CTNNA3: variants seen among roughly 807,000 people sequenced by gnomAD.
The protein encoded by CTNNA3 is catenin alpha-3.
Under a neutral mutation model 95.7 loss-of-function variants are expected in CTNNA3, and 76 were observed. That is an observed-to-expected ratio of 0.79 (90% confidence interval 0.66 to 0.96). The LOEUF is 0.96. Among genes scored for constraint, CTNNA3 ranks in the 40% least tolerant of loss-of-function variants. The pLI is 0.00. For synonymous variants in CTNNA3, 431 were observed against 374.4 expected, an observed-to-expected ratio of 1.15 and a Z score of -1.74; for missense variants, 1,191 against 1,089.8, an observed-to-expected ratio of 1.09 and a Z score of -1.31.
intron 12 of CTNNA3, among the ~76,000 whole-genome samples, chr10:66,294,905 AGAGAGAGAG>A (rs2091751050): frequency 1.3e-5 from 2 of 148,908 alleles, no homozygotes; most frequent in Non-Finnish European, 3.0e-5. Flanking sequence ...AGAGAGAGAG[AGAGAGAGAG>A]GGATTTGGTA....
chr10:66,631,965 T>C (rs1159835343), intron 9 of CTNNA3, among the ~76,000 whole-genome samples: 1 of 59,870 alleles, frequency 1.7e-5, no homozygotes, highest in Non-Finnish European at 3.6e-5. Context: ...AAATTTGTTA[T>C]TATAGCAACT....
At chr10:66,720,141 G>C (rs914371223) in intron 9 of CTNNA3, among the ~76,000 whole-genome samples, 2 of 151,700 alleles carry the variant, frequency 1.3e-5, no homozygotes, top group African/African-American at 2.4e-5. Context: ...ACGATGCTAA[G>C]GAAAATATTG....
At chr10:66,040,693 T>C (rs1234627601) in intron 15 of CTNNA3, among the ~76,000 whole-genome samples, 2 of 152,010 alleles carry the variant, frequency 1.3e-5, no homozygotes, top group African/African-American at 2.4e-5. Context: ...CATGGACTTA[T>C]AGAGGGGCAC....
intron 15 of CTNNA3, among the ~76,000 whole-genome samples, chr10:66,026,005 ATTAG>A (rs1193379366): frequency 6.6e-6 from 1 of 152,176 alleles, no homozygotes; most frequent in Non-Finnish European, 1.5e-5. Context: ...ATTGTCTAAT[ATTAG>A]TTTGTTTTAC....
At chr10:67,091,735 C>A (rs1365577467) in intron 7 of CTNNA3, among the ~76,000 whole-genome samples, 2 of 151,902 alleles carry the variant, frequency 1.3e-5, no homozygotes, top group Non-Finnish European at 2.9e-5. Flanking sequence ...AAGAAAGTAA[C>A]TGGCAAATCA....
At chr10:67,734,240 A>T (rs1023681416) in intron 1 of CTNNA3, among the ~76,000 whole-genome samples, 11 of 152,056 alleles carry the variant, frequency 7.2e-5, no homozygotes, top group African/African-American at 2.7e-4. Context: ...AAAGCCAAGA[A>T]CTCTGTGAAG....
chr10:67,333,582 G>C (rs1401820833), intron 5 of CTNNA3, among the ~76,000 whole-genome samples: 1 of 152,104 alleles, frequency 6.6e-6, no homozygotes, highest in Non-Finnish European at 1.5e-5. Context: ...CAATAACTCA[G>C]AAACCTGAAG....
chr10:67,268,354 TAAATA>T (rs1270283470), intron 5 of CTNNA3, among the ~76,000 whole-genome samples: 3,575 of 147,216 alleles, frequency 0.024, 135 homozygotes, highest in African/African-American at 0.072. Flanking sequence ...TAAATTAAAT[TAAATA>T]AATAAATAAA....
intron 11 of CTNNA3, among the ~76,000 whole-genome samples, chr10:66,495,344 T>C (rs2131948217): frequency 6.6e-6 from 1 of 152,216 alleles, no homozygotes; most frequent in East Asian, 1.9e-4. Flanking sequence ...TAAAGGAAGC[T>C]GATATTAAAC....
chr10:67,315,584 G>A (rs1228664830), intron 5 of CTNNA3, among the ~76,000 whole-genome samples: 2 of 151,990 alleles, frequency 1.3e-5, no homozygotes, highest in Non-Finnish European at 2.9e-5. Context: ...CAAATTCCCA[G>A]ACCACAAAAT....
chr10:67,325,380 A>G (rs1383621635), intron 5 of CTNNA3, among the ~76,000 whole-genome samples: 2 of 152,184 alleles, frequency 1.3e-5, no homozygotes, highest in Non-Finnish European at 2.9e-5. Flanking sequence ...AGTGCTATAA[A>G]TTTCCCTTTT....
rs536897466 is a variant in CTNNA3 at position 66,728,496 on chromosome 10, A to G, written c.1281+37768T>C. Among the ~76,000 whole-genome samples, 7 of 152,244 alleles carry G rather than the reference A, an allele frequency of 4.6e-5. No homozygotes were observed. The East Asian group carries it at 9.7e-4, about 21-fold the overall frequency. ...TTGCTTTGGGTGTTTTCATCATGAAATCTTTGCCCCATGCCTATGTCCTGA... is the reference window on the plus strand; with the variant it reads ...TTGCTTTGGGTGTTTTCATCATGAAGTCTTTGCCCCATGCCTATGTCCTGA... On this transcript the variant is annotated intron_variant, in intron 9 of 17. Coordinates refer to ENST00000433211, the MANE Select transcript of CTNNA3 (RefSeq NM_013266.4).
intron 5 of CTNNA3, among the ~76,000 whole-genome samples, chr10:67,399,725 A>G (rs914920617): frequency 6.6e-6 from 1 of 152,186 alleles, no homozygotes; most frequent in Admixed American, 6.5e-5. Flanking sequence ...TAAGGTACTT[A>G]CCAAAGTTTG....
intron 15 of CTNNA3, among the ~76,000 whole-genome samples, chr10:66,013,568 T>C (rs1316710210): frequency 6.6e-6 from 1 of 152,212 alleles, no homozygotes; most frequent in Non-Finnish European, 1.5e-5. Flanking sequence ...TAACTGATAA[T>C]TTCAAATGTT....
At chr10:67,180,075 A>T (rs1238925254) in intron 7 of CTNNA3, among the ~76,000 whole-genome samples, 1 of 152,082 alleles carries the variant, frequency 6.6e-6, no homozygotes, top group Non-Finnish European at 1.5e-5. Context: ...TAATAGTGAG[A>T]TACTTCCACA....
chr10:67,213,320 C>T, intron 6 of CTNNA3, among the ~76,000 whole-genome samples: 1 of 151,662 alleles, frequency 6.6e-6, no homozygotes, highest in Admixed American at 6.6e-5. Flanking sequence ...CTCTTACATG[C>T]TGTTTTTTGT....
At chr10:67,313,849 A>G (rs919172244) in intron 5 of CTNNA3, among the ~76,000 whole-genome samples, 4 of 152,342 alleles carry the variant, frequency 2.6e-5, no homozygotes, top group Non-Finnish European at 5.9e-5. Flanking sequence ...CAGCATATAA[A>G]AGAAGAGGGT....
intron 13 of CTNNA3, among the ~76,000 whole-genome samples, chr10:66,182,599 G>A (rs2086111108): frequency 6.6e-6 from 1 of 152,064 alleles, no homozygotes; most frequent in Non-Finnish European, 1.5e-5. Context: ...TGGTTCCTAA[G>A]ACTGATTATG....
At chr10:67,636,749 A>T (rs902715587) in intron 2 of CTNNA3, among the ~76,000 whole-genome samples, 1 of 152,152 alleles carries the variant, frequency 6.6e-6, no homozygotes, top group African/African-American at 2.4e-5. Flanking sequence ...TACCCAGGAA[A>T]ACAAGGTCTG....
Sources: gnomAD v4.1 joint callset for allele counts (sites outside exome capture counted in the v4.1 genomes callset) on GRCh38, gnomAD v4.1.1 for gene constraint, MANE v1.5 for transcripts, NCBI Gene and HGNC (gene_info 2026-07-23, HGNC 2026-07-21) for gene names.